The following RBFOX1 variants were observed in gnomAD, a reference collection of about 807,000 sequenced individuals.
The protein encoded by RBFOX1 is RNA binding fox-1 homolog 1, also known as RNA binding protein fox-1 homolog 1.
In RBFOX1, 8 loss-of-function variants were observed where a neutral mutation model predicts 57.7. The ratio of observed to expected loss-of-function variants is 0.14; its 90% CI spans 0.08 to 0.25. The LOEUF is 0.25. Among genes scored for constraint, RBFOX1 ranks in the 10% least tolerant of loss-of-function variants. The pLI is 1.00. For synonymous variants in RBFOX1, 326 were observed against 222.4 expected (o/e 1.47, Z -4.15); for missense variants, 611 against 548.5 (o/e 1.11, Z -1.14).
At chr16:7,563,713 C>A in intron 5 of RBFOX1, among the ~76,000 whole-genome samples, 1 of 152,106 alleles carries the variant, frequency 6.6e-6, no homozygotes, top group East Asian at 1.9e-4. Flanking sequence ...CGTGATCCAC[C>A]CACCTCGGCC....
intron 4 of RBFOX1, among the ~76,000 whole-genome samples, chr16:5,988,139 C>A (rs954831067): frequency 6.6e-6 from 1 of 152,172 alleles, no homozygotes; most frequent in South Asian, 2.1e-4. Flanking sequence ...TGGGACTTCT[C>A]TTTGGGCTGT....
chr16:6,595,856 C>G (rs985716089), intron 2 of RBFOX1, among the ~76,000 whole-genome samples: 1 of 151,992 alleles, frequency 6.6e-6, no homozygotes, highest in East Asian at 1.9e-4. Context: ...GTTGTATCTT[C>G]TTTGGACAAA....
chr16:7,385,105 C>T (rs1488926732), intron 4 of RBFOX1, among the ~76,000 whole-genome samples: 2 of 152,180 alleles, frequency 1.3e-5, no homozygotes, highest in South Asian at 2.1e-4. Flanking sequence ...GAGAGAGGGG[C>T]ACCAGAGAGG....
chr16:5,383,452 T>A (rs2066179427), intron 1 of RBFOX1, among the ~76,000 whole-genome samples: 1 of 152,222 alleles, frequency 6.6e-6, no homozygotes, highest in African/African-American at 2.4e-5. Flanking sequence ...TTAGGCCTGG[T>A]TAGTTGGCAC....
intron 3 of RBFOX1, among the ~76,000 whole-genome samples, chr16:5,846,441 A>T (rs140500335): frequency 2.0e-5 from 3 of 152,278 alleles, no homozygotes; most frequent in Admixed American, 6.5e-5. Flanking sequence ...CTGTGTGATT[A>T]TTCGACAAGT....
At chr16:7,070,149 C>T (rs1239003233) in intron 4 of RBFOX1, among the ~76,000 whole-genome samples, 1 of 152,134 alleles carries the variant, frequency 6.6e-6, no homozygotes, top group East Asian at 1.9e-4. Flanking sequence ...TGGTGCATTT[C>T]CCAAAAGTTA....
chr16:7,284,109 A>C (rs1220753598), intron 4 of RBFOX1, among the ~76,000 whole-genome samples: 3 of 152,252 alleles, frequency 2.0e-5, no homozygotes, highest in Non-Finnish European at 4.4e-5. Context: ...ATCTATCAAC[A>C]GTTCCTTCTT....
intron 2 of RBFOX1, among the ~76,000 whole-genome samples, chr16:6,533,262 C>T (rs993083579): frequency 2.0e-5 from 3 of 152,196 alleles, no homozygotes; most frequent in Non-Finnish European, 4.4e-5. Context: ...TTCTAAGTAA[C>T]CTATGCACAT....
At chr16:7,550,214 C>A (rs1160013170) in intron 5 of RBFOX1, among the ~76,000 whole-genome samples, 1 of 152,022 alleles carries the variant, frequency 6.6e-6, no homozygotes, top group Non-Finnish European at 1.5e-5. Context: ...GCCACTATGC[C>A]CAGCCTACCC....
intron 3 of RBFOX1, among the ~76,000 whole-genome samples, chr16:7,026,194 G>T (rs1315849684): frequency 6.6e-6 from 1 of 152,140 alleles, no homozygotes; most frequent in Admixed American, 6.5e-5. Flanking sequence ...CTACTCTGAG[G>T]ACATCAAGAC....
intron 4 of RBFOX1, among the ~76,000 whole-genome samples, chr16:7,410,888 G>C (rs1235627982): frequency 6.6e-6 from 1 of 150,942 alleles, no homozygotes; most frequent in Non-Finnish European, 1.5e-5. Context: ...TAATTGTGGG[G>C]AGTACTAATA....
At chr16:6,244,355 C>T (rs62015139) in intron 1 of RBFOX1, among the ~76,000 whole-genome samples, 3,171 of 152,256 alleles carry the variant, frequency 0.021, 53 homozygotes, top group African/African-American at 0.034. Context: ...GTCTCACTCA[C>T]CTGCAGTCTT....
In RBFOX1 at chr16:7,384,012, C is replaced by G. The variant is rs111719314; in HGVS notation, c.28-134135C>G. Among the ~76,000 whole-genome samples the G allele has an allele frequency of 3.5e-3, 523 of 151,470 alleles. 6 individuals are homozygous for G. Among genetic ancestry groups the G allele is most frequent in the African/African-American group, 0.012 (496 of 41,232 alleles). On this transcript the variant is annotated intron_variant, in intron 4 of 15. Transcript: ENST00000550418. Reference sequence around the variant, plus strand: ...GAGGTTGCAGTGAGCAGAGATCGTGCCGTTGCACCCCAGCCTGGGCAACAG... The same window carrying G: ...GAGGTTGCAGTGAGCAGAGATCGTGGCGTTGCACCCCAGCCTGGGCAACAG...
At chr16:5,544,191 C>G (rs770041401) in intron 2 of RBFOX1, among the ~76,000 whole-genome samples, 63 of 152,144 alleles carry the variant, frequency 4.1e-4, no homozygotes, top group Admixed American at 9.2e-4. Flanking sequence ...TTAAACCAGT[C>G]TCAATAATTT....
chr16:5,671,988 A>G (rs1002357782), intron 3 of RBFOX1, among the ~76,000 whole-genome samples: 1 of 152,156 alleles, frequency 6.6e-6, no homozygotes, highest in Non-Finnish European at 1.5e-5. Context: ...AGCCTGTCCT[A>G]TGTTCTTCAG....
At chr16:6,115,135 T>C (rs2096485026) in intron 1 of RBFOX1, among the ~76,000 whole-genome samples, 1 of 152,184 alleles carries the variant, frequency 6.6e-6, no homozygotes, top group Non-Finnish European at 1.5e-5. Flanking sequence ...CGTGAGGGTA[T>C]CTGGGTATTG....
chr16:6,856,044 A>G (rs2057825441), intron 3 of RBFOX1, among the ~76,000 whole-genome samples: 1 of 151,778 alleles, frequency 6.6e-6, no homozygotes, highest in Admixed American at 6.6e-5. Context: ...TGCTCATGGT[A>G]TATGTCTCTC....
intron 3 of RBFOX1, among the ~76,000 whole-genome samples, chr16:6,679,878 GTTTTTTTTTTTTT>G (rs71145274): frequency 8.7e-6 from 1 of 114,302 alleles, no homozygotes; most frequent in African/African-American, 3.9e-5. Flanking sequence ...GTTTCTACTT[GTTTTTTTTTTTTT>G]TTTTTTTTTT....
chr16:5,579,764 T>C lies in RBFOX1; in HGVS notation c.259-19138T>C, dbSNP rs554113588. ...AGTTAATTCTTTTCTTTCTTTCTTT[T>C]TTTTTTTTTCCTTGAGAAGGAGTCT... is the stretch of plus-strand genomic sequence containing the variant. On this transcript the variant is annotated intron_variant, in intron 2 of 2. Transcript: ENST00000585867. Among the ~76,000 whole-genome samples, 89 of 151,690 alleles carry C rather than the reference T, an allele frequency of 5.9e-4. 2 individuals are homozygous for C. In the South Asian group the frequency reaches 0.011, roughly 18 times the overall value.
Sources: allele counts gnomAD v4.1 joint callset (sites outside exome capture counted in the v4.1 genomes callset), GRCh38; gene constraint gnomAD v4.1.1; transcripts MANE v1.5; gene names NCBI Gene and HGNC (gene_info 2026-07-23, HGNC 2026-07-21).